The following SUGP1 variants were observed in gnomAD, a reference collection of about 807,000 sequenced individuals.
SUGP1 encodes SURP and G-patch domain-containing protein 1.
A neutral mutation model predicts 76.5 loss-of-function variants in SUGP1; 34 were observed. That is an observed-to-expected ratio of 0.44 (90% CI 0.34 to 0.59). The LOEUF is 0.59. SUGP1 is among the 20% of genes least tolerant of loss of function. The pLI, the probability that SUGP1 is intolerant of heterozygous loss-of-function variation, is 0.01. For synonymous variants in SUGP1, 326 were observed against 326.2 expected (o/e 1.00, Z 0.01); for missense variants, 752 against 851.7 (o/e 0.88, Z 1.46).
intron 3 of SUGP1, among the ~76,000 whole-genome samples, chr19:19,308,074 G>C (rs539508920): frequency 3.9e-5 from 6 of 152,128 alleles, no homozygotes; most frequent in African/African-American, 1.4e-4. Context: ...TGTCTCCTAG[G>C]CTAGAGTACA....
intron 8 of SUGP1, among the ~76,000 whole-genome samples, chr19:19,283,656 T>C (rs765805184): frequency 2.6e-5 from 4 of 152,358 alleles, no homozygotes; most frequent in Admixed American, 6.5e-5. Flanking sequence ...GGTTTCAGCA[T>C]ACTGGCCAGG....
chr19:19,320,269 A>C (rs1211380260), intron 1 of SUGP1, among the ~76,000 whole-genome samples, 194 bp downstream of exon 1: 1 of 152,186 alleles, frequency 6.6e-6, no homozygotes, highest in Non-Finnish European at 1.5e-5. Flanking sequence ...GTCCTCAGCA[A>C]ACCAAGCGGG....
At position 19,310,152 on chromosome 19, in the gene SUGP1, G is replaced by A. The variant is rs186233396; in HGVS notation, c.255C>T (p.Asn85=). The A allele has an allele frequency of 8.4e-5, 135 of 1,613,762 alleles. No individual in the cohort carries two copies. In the Admixed American group the frequency reaches 1.1e-3, roughly 14 times the overall value. The stretch of plus-strand genomic sequence containing the variant: ...GAAACTGCTGCAAGAAGCTACCATC[G>A]TTGGCAAACTTGTTGGAAATGCAGG... ...NSSCISNKFA[N]DGSFLQQFLK... The change falls in exon 3 of 14, where the codon AAC becomes AAT. Residue 85 remains asparagine, a synonymous_variant. Coordinates refer to ENST00000247001, the MANE Select transcript of SUGP1 (RefSeq NM_172231.4).
chr19:19,280,968 C>G (rs187394826), intron 8 of SUGP1: 1 of 152,236 alleles, frequency 6.6e-6, no homozygotes, highest in African/African-American at 2.4e-5. Context: ...AGGGGTGCAG[C>G]GGGCCCTCTG....
chr19:19,293,358 C>A (rs932188798), intron 8 of SUGP1, among the ~76,000 whole-genome samples: 56 of 151,074 alleles, frequency 3.7e-4, no homozygotes, highest in Non-Finnish European at 1.5e-4. Context: ...CCAAGGCAGG[C>A]GGATCACCCG....
chr19:19,298,779 T>C (rs2061248697), intron 7 of SUGP1, among the ~76,000 whole-genome samples: 1 of 152,082 alleles, frequency 6.6e-6, no homozygotes, highest in South Asian at 2.1e-4. Context: ...AGTTCAGACA[T>C]GGATTTGAGA....
chr19:19,280,319 G>C (rs769566272), intron 8 of SUGP1, 28 bp from the exon 9 acceptor site: 3 of 1,601,274 alleles, frequency 1.9e-6, no homozygotes, highest in Admixed American at 3.3e-5. Context: ...AGGGTAGTCA[G>C]AGCCTGACAG....
chr19:19,282,586 T>C (rs1419551487), intron 8 of SUGP1, among the ~76,000 whole-genome samples: 3 of 152,080 alleles, frequency 2.0e-5, no homozygotes, highest in Non-Finnish European at 4.4e-5. Flanking sequence ...TCCACAAACC[T>C]AGATGCTACC....
At chr19:19,290,663 C>CA (rs889926890) in intron 8 of SUGP1, among the ~76,000 whole-genome samples, 12 of 151,172 alleles carry the variant, frequency 7.9e-5, no homozygotes, top group Non-Finnish European at 1.2e-4. Context: ...AAACAAAAAA[C>CA]AAAAAAAACT....
intron 2 of SUGP1, among the ~76,000 whole-genome samples, chr19:19,310,675 ACT>A (rs929693682): frequency 1.6e-4 from 24 of 151,890 alleles, no homozygotes; most frequent in African/African-American, 5.3e-4. Context: ...ACAGAGTTTT[ACT>A]CTGTCGCCCA....
intron 6 of SUGP1, among the ~76,000 whole-genome samples, chr19:19,303,129 T>C (rs556929839): frequency 1.4e-4 from 21 of 152,120 alleles, no homozygotes; most frequent in Non-Finnish European, 2.6e-4. Context: ...CCCCACAATG[T>C]GGCCTGACAC....
intron 12 of SUGP1, 136 bp from the exon 13 acceptor site, chr19:19,277,212 G>T: frequency 1.7e-6 from 1 of 578,670 alleles, no homozygotes; most frequent in Non-Finnish European, 2.5e-6. Context: ...AGAGAAGCTT[G>T]AACCTGAATG....
chr19:19,278,177 G>A (rs1001642183), intron 11 of SUGP1, among the ~76,000 whole-genome samples: 5 of 152,138 alleles, frequency 3.3e-5, no homozygotes, highest in African/African-American at 9.7e-5. Flanking sequence ...GAGAAGCCCC[G>A]TGTTCATGTC....
chr19:19,280,472 C>T (rs1468344026), intron 8 of SUGP1, 181 bp from the exon 9 acceptor site: 21 of 598,792 alleles, frequency 3.5e-5, no homozygotes, highest in Non-Finnish European at 5.7e-5. Flanking sequence ...TGTGCTGCCA[C>T]GTGCACCCCC....
chr19:19,303,279 C>T (rs1393170149), intron 6 of SUGP1, 69 bp downstream of exon 6: 15 of 1,377,390 alleles, frequency 1.1e-5, no homozygotes, highest in African/African-American at 7.1e-5. Context: ...CCAGGAACCC[C>T]GATTCCGCAT....
chr19:19,280,525 C>T, intron 8 of SUGP1: 1 of 523,138 alleles, frequency 1.9e-6, no homozygotes, highest in Non-Finnish European at 3.5e-6. Flanking sequence ...GCTCTACGCA[C>T]CACCACATTG....
At chr19:19,312,832 A>G (rs1427673039) in intron 2 of SUGP1, among the ~76,000 whole-genome samples, 1 of 150,666 alleles carries the variant, frequency 6.6e-6, no homozygotes, top group Non-Finnish European at 1.5e-5. Flanking sequence ...CTAAAAATTA[A>G]AAAAAAAATT....
chr19:19,282,853 G>A (rs549308617), intron 8 of SUGP1, among the ~76,000 whole-genome samples: 12 of 152,226 alleles, frequency 7.9e-5, no homozygotes, highest in Middle Eastern at 3.4e-3. Context: ...CAAGGTGGGC[G>A]GATCACAAGG....
At chr19:19,297,498 T>C (rs1220876554) in intron 7 of SUGP1, among the ~76,000 whole-genome samples, 154 bp from the exon 8 acceptor site, 1 of 152,098 alleles carries the variant, frequency 6.6e-6, no homozygotes, top group Non-Finnish European at 1.5e-5. Flanking sequence ...CCTCCTGCCC[T>C]GCCAGGCCTC....
Sources: gnomAD v4.1 joint callset for allele counts (sites outside exome capture counted in the v4.1 genomes callset) on GRCh38, gnomAD v4.1.1 for gene constraint, MANE v1.5 for transcripts, NCBI Gene and HGNC (gene_info 2026-07-23, HGNC 2026-07-21) for gene names.